The following ADGRV1 variants were observed in gnomAD, a reference collection of about 807,000 sequenced individuals.
The protein encoded by ADGRV1 is adhesion G protein-coupled receptor V1.
A neutral mutation model predicts 596.2 loss-of-function variants in ADGRV1; 359 were observed. That is an observed-to-expected ratio of 0.60 (90% CI 0.55 to 0.66). The LOEUF (loss-of-function observed/expected upper bound fraction) is 0.66. Ranked by LOEUF, ADGRV1 falls within the 30% of genes least tolerant of loss-of-function variation. The probability of loss-of-function intolerance (pLI) is 0.00; values close to 1 mark genes in which losing one functional copy is unlikely to be tolerated. For synonymous variants in ADGRV1, 2,681 were observed against 2,679.2 expected, an observed-to-expected ratio of 1.00 and a Z score of -0.02; for missense variants, 7,274 against 7,575.6, an observed-to-expected ratio of 0.96 and a Z score of 1.48.
intron 58 of ADGRV1, among the ~76,000 whole-genome samples, chr5:90,761,996 A>G (rs1756564144): frequency 6.6e-6 from 1 of 152,222 alleles, no homozygotes; most frequent in Non-Finnish European, 1.5e-5. Context: ...GGTGACACAG[A>G]TTAGATTCAC....
chr5:90,947,286 C>G (rs1776660308), intron 83 of ADGRV1, among the ~76,000 whole-genome samples: 1 of 151,870 alleles, frequency 6.6e-6, no homozygotes, highest in South Asian at 2.1e-4. Flanking sequence ...TAAATGTCTT[C>G]TTTTGAGAAG....
At position 90,725,218 on chromosome 5, in the gene ADGRV1, T is replaced by C. The variant is rs10067636; in HGVS notation, c.10039T>C (p.Phe3347Leu). 3.5e-3 allele frequency: 5,117 copies of C among 1,461,344 alleles called. 146 individuals are homozygous for C. The African/African-American group carries it at 0.066, about 19-fold the overall frequency. 90.5% of individuals were successfully genotyped at this position (1,461,344 alleles called of 1,614,324 possible). The stretch of plus-strand genomic sequence containing the variant: ...CAGTGTGTTTACATTCACATCTGGA[T>C]TTAAATTATTCCTGGTAAAAACATT... ...LNSVFTFTSGFKLFLVQTIII... is the reference protein window; with the variant it reads ...LNSVFTFTSGLKLFLVQTIII... The change falls in exon 47 of 90, where the codon TTT becomes CTT. Residue 3347 changes from phenylalanine (F) to leucine (L), a missense_variant. Physicochemically the swap from Phe to Leu is conservative, Grantham distance 22 (BLOSUM62 0). This residue lies in a region of ADGRV1 where 3,643 missense variants were observed against 3,809.2 expected (regional missense o/e 0.96). Transcript: ENST00000405460.
chr5:90,863,735 G>A (rs1316872291), intron 82 of ADGRV1, 22 bp from the exon 83 acceptor site: 1 of 1,526,530 alleles, frequency 6.6e-7, no homozygotes, highest in Admixed American at 1.7e-5. Context: ...TAAACCATAT[G>A]TGGACTTTTT....
Position 90,562,794 on chromosome 5 carries a change from A to G in ADGRV1, c.22+3877A>G, listed in dbSNP as rs186946676. Among the ~76,000 whole-genome samples the G allele has an allele frequency of 3.6e-4, 55 of 152,310 alleles. 1 individual carries two copies. The East Asian group carries it at 0.01, about 28-fold the overall frequency. ...TCACAAAATTATTAAGTATAAAGAAAAGTTGGGGCATCTCTTTGAGAGAGA... is the reference window on the plus strand; with the variant it reads ...TCACAAAATTATTAAGTATAAAGAAGAGTTGGGGCATCTCTTTGAGAGAGA... On this transcript the variant is annotated intron_variant, in intron 1 of 89. Transcript: ENST00000405460.
chr5:90,934,128 A>T (rs1489591052), intron 83 of ADGRV1, among the ~76,000 whole-genome samples: 1 of 151,988 alleles, frequency 6.6e-6, no homozygotes, highest in Non-Finnish European at 1.5e-5. Context: ...GCATAGTCTC[A>T]CCTCATTTTT....
intron 87 of ADGRV1, among the ~76,000 whole-genome samples, chr5:91,120,876 T>C (rs1673020890): frequency 6.6e-6 from 1 of 152,062 alleles, no homozygotes; most frequent in South Asian, 2.1e-4. Flanking sequence ...AGAAGAGATA[T>C]GAAAGTATAG....
At chr5:90,793,604 G>A (rs187662714) in intron 70 of ADGRV1, among the ~76,000 whole-genome samples, 4 of 152,156 alleles carry the variant, frequency 2.6e-5, no homozygotes, top group Admixed American at 2.6e-4. Flanking sequence ...TGTTTTTCAC[G>A]GTACCTGGAA....
intron 83 of ADGRV1, among the ~76,000 whole-genome samples, chr5:90,876,109 G>A (rs1399090525): frequency 6.6e-6 from 1 of 152,026 alleles, no homozygotes; most frequent in Non-Finnish European, 1.5e-5. Flanking sequence ...TGAGTTTATT[G>A]TATCTGATAC....
At chr5:90,869,090 A>G (rs1768416587) in intron 83 of ADGRV1, among the ~76,000 whole-genome samples, 1 of 152,138 alleles carries the variant, frequency 6.6e-6, no homozygotes, top group African/African-American at 2.4e-5. Context: ...TCATAGTAAG[A>G]ACCAAGTATA....
chr5:90,995,543 G>A (rs962708223), intron 85 of ADGRV1, among the ~76,000 whole-genome samples: 1 of 152,144 alleles, frequency 6.6e-6, no homozygotes, highest in Non-Finnish European at 1.5e-5. Context: ...TTTTATAGGA[G>A]TGCGAGAATG....
At chr5:90,711,951 T>A (rs1326235456) in intron 41 of ADGRV1, among the ~76,000 whole-genome samples, 1 of 152,094 alleles carries the variant, frequency 6.6e-6, no homozygotes, top group Non-Finnish European at 1.5e-5. Flanking sequence ...TTTTTTGTAT[T>A]TTTACTGTAT....
Position 90,683,762 on chromosome 5 carries a change from C to A in ADGRV1, c.5841C>A (p.Phe1947Leu). 6.2e-7 allele frequency: 1 copy of A among 1,613,836 alleles called. No individual in the cohort carries two copies. Among genetic ancestry groups the A allele is most frequent in the Non-Finnish European group, 8.5e-7 (1 of 1,179,848 alleles). ...PDEDPELDKA[F>L]SVSVLSVSSG... ...AAGACCCAGAACTGGATAAGGCATTCTCTGTGTCAGTCCTCAGTGTTTCCA... is the reference window on the plus strand; with the variant it reads ...AAGACCCAGAACTGGATAAGGCATTATCTGTGTCAGTCCTCAGTGTTTCCA... Residue 1947 changes from phenylalanine (F) to leucine (L), a missense_variant, in exon 28 of 90, where the codon TTC (phenylalanine) becomes TTA (leucine). Around this residue, in one of 5 missense-constraint regions of ADGRV1, gnomAD observed 3,643 missense variants for 3,809.2 expected, o/e 0.96. Transcript: ENST00000405460.
intron 60 of ADGRV1, among the ~76,000 whole-genome samples, chr5:90,775,266 T>C (rs887504666): frequency 1.3e-5 from 2 of 152,162 alleles, no homozygotes; most frequent in African/African-American, 2.4e-5. Context: ...TGTGTATACT[T>C]AGGGTAGTTA....
At chr5:90,731,742 T>C (rs1752575845) in intron 50 of ADGRV1, among the ~76,000 whole-genome samples, 1 of 152,196 alleles carries the variant, frequency 6.6e-6, no homozygotes, top group South Asian at 2.1e-4. Context: ...GTGCCTCAAA[T>C]CATCCAGCAG....
At chr5:90,844,848 G>A (rs538024883) in intron 78 of ADGRV1, among the ~76,000 whole-genome samples, 11 of 152,218 alleles carry the variant, frequency 7.2e-5, no homozygotes, top group East Asian at 1.9e-4. Flanking sequence ...CTACTTGTTC[G>A]TAAGGCAATT....
intron 70 of ADGRV1, among the ~76,000 whole-genome samples, chr5:90,800,962 C>G (rs964185085): frequency 4.6e-5 from 7 of 151,998 alleles, no homozygotes; most frequent in Non-Finnish European, 1.5e-5. Context: ...GGAGAAATAC[C>G]TAATATAGGT....
Position 90,720,155 on chromosome 5 carries a change from A to G in ADGRV1, c.9555A>G (p.Gln3185=). Residue 3185 remains glutamine, a synonymous_variant, in exon 44 of 90, where the codon CAA becomes CAG. Coordinates refer to ENST00000405460, the MANE Select transcript of ADGRV1 (RefSeq NM_032119.4). ...TGGARLGVHV[Q]TLITVLQNQA... is the part of the protein sequence containing the mutation. ...GTGCTAGACTAGGGGTGCATGTTCA[A>G]ACCCTGATAACAGTTTTGCAAAACC... 3 of 1,611,332 alleles carry G rather than the reference A, an allele frequency of 1.9e-6. No individual in the cohort carries two copies. Among genetic ancestry groups the G allele is most frequent in the Non-Finnish European group, 2.5e-6 (3 of 1,178,718 alleles).
intron 1 of ADGRV1, among the ~76,000 whole-genome samples, chr5:90,588,649 G>C (rs1457429102): frequency 1.3e-5 from 2 of 152,186 alleles, no homozygotes; most frequent in Non-Finnish European, 2.9e-5. Context: ...GAGGAGTGTG[G>C]TGTCAGGAAG....
intron 87 of ADGRV1, among the ~76,000 whole-genome samples, chr5:91,123,446 C>G (rs1319717041): frequency 6.6e-6 from 1 of 151,990 alleles, no homozygotes; most frequent in South Asian, 2.1e-4. Flanking sequence ...GGCAGAAGAG[C>G]AAAGGGAAAA....
Sources: gnomAD v4.1 joint callset for allele counts (sites outside exome capture counted in the v4.1 genomes callset) on GRCh38, gnomAD v4.1.1 for gene constraint, gnomAD v4.1.1 regional missense constraint, MANE v1.5 for transcripts, NCBI Gene and HGNC (gene_info 2026-07-23, HGNC 2026-07-21) for gene names.